The following USP32 variants were observed in gnomAD, a reference collection of about 807,000 sequenced individuals.
The protein encoded by USP32 is ubiquitin specific peptidase 32.
Under a neutral mutation model 204.8 loss-of-function variants are expected in USP32, and 59 were observed. The observed-to-expected ratio is 0.29, with a 90% CI of 0.23 to 0.36. The LOEUF (loss-of-function observed/expected upper bound fraction) is 0.36, where lower values mean the gene tolerates loss of function less well. USP32 is among the 10% of genes least tolerant of loss of function. The pLI, the probability that USP32 is intolerant of heterozygous loss-of-function variation, is 1.00. For synonymous variants in USP32, 517 were observed against 678.4 expected (o/e 0.76, Z 3.70); for missense variants, 1,160 against 1,946.4 (o/e 0.60, Z 7.60).
At chr17:60,193,825 C>T (rs1419302841) in intron 27 of USP32, among the ~76,000 whole-genome samples, 1 of 152,164 alleles carries the variant, frequency 6.6e-6, no homozygotes, top group South Asian at 2.1e-4. Context: ...CTGCATAACT[C>T]GTCCAGTGAA....
chr17:60,344,061 T>A (rs936194384), intron 2 of USP32, among the ~76,000 whole-genome samples: 9 of 149,760 alleles, frequency 6.0e-5, no homozygotes, highest in African/African-American at 2.2e-4. Context: ...TAAAAAGAAA[T>A]AGAAACTAGG....
At chr17:60,345,797 T>C (rs138193471) in intron 1 of USP32, among the ~76,000 whole-genome samples, 189 bp from the exon 2 acceptor site, 6 of 152,090 alleles carry the variant, frequency 3.9e-5, no homozygotes, top group South Asian at 2.1e-4. Context: ...GCCTGGACAA[T>C]GTGGCGAAAC....
intron 7 of USP32, among the ~76,000 whole-genome samples, chr17:60,267,064 C>T (rs745568829): frequency 4.0e-5 from 6 of 151,328 alleles, no homozygotes; most frequent in Admixed American, 1.3e-4. Context: ...GGTACGATTA[C>T]AGGCATGATG....
chr17:60,417,338 GTCTC>G (rs563840631), intron 1 of USP32, among the ~76,000 whole-genome samples: 1 of 151,992 alleles, frequency 6.6e-6, no homozygotes, highest in Non-Finnish European at 1.5e-5. Context: ...TTGGTGGGGA[GTCTC>G]TCTATGTTGC....
intron 3 of USP32, among the ~76,000 whole-genome samples, chr17:60,297,535 A>AC (rs2087463975): frequency 6.7e-6 from 1 of 148,386 alleles, no homozygotes; most frequent in Non-Finnish European, 1.5e-5. Flanking sequence ...TGCAACCTCC[A>AC]CCTCCTGGAT....
At chr17:60,366,309 C>G (rs1192656986) in intron 1 of USP32, among the ~76,000 whole-genome samples, 1 of 152,150 alleles carries the variant, frequency 6.6e-6, no homozygotes, top group African/African-American at 2.4e-5. Context: ...CAGACACATG[C>G]CACCAGGCCC....
At chr17:60,332,240 G>A (rs1404336530) in intron 2 of USP32, among the ~76,000 whole-genome samples, 5 of 151,632 alleles carry the variant, frequency 3.3e-5, no homozygotes, top group African/African-American at 1.2e-4. Flanking sequence ...GTGACAGAGC[G>A]AGATGCTGTC....
Position 60,211,403 on chromosome 17 carries a change from G to A in USP32, c.2291C>T (p.Ser764Leu). 1 of 1,612,742 alleles carries A rather than the reference G, an allele frequency of 6.2e-7. No individual in the cohort carries two copies. Among genetic ancestry groups the A allele is most frequent in the South Asian group, 1.1e-5 (1 of 90,762 alleles). The change falls in exon 20 of 34, where the codon TCA (serine) becomes TTA (leucine). Residue 764 changes from serine (S) to leucine (L), a missense_variant. Physicochemically the swap from Ser to Leu is moderately radical, Grantham distance 145 (BLOSUM62 -2). Around this residue, in one of 8 missense-constraint regions of USP32, gnomAD observed 132 missense variants for 432.8 expected, o/e 0.30. Coordinates refer to ENST00000300896, the MANE Select transcript of USP32 (RefSeq NM_032582.4). Reference protein sequence around the residue: ...NTQPLTQYFISGRHLYELNRT... With the variant: ...NTQPLTQYFILGRHLYELNRT... ...GTTGAGTTCATAAAGATGTCTCCCT[G>A]AGATAAAATACTGTGTCAGTGGCTG...
At chr17:60,218,228 CA>C (rs1317662523) in intron 16 of USP32, among the ~76,000 whole-genome samples, 2 of 151,744 alleles carry the variant, frequency 1.3e-5, no homozygotes, top group Non-Finnish European at 2.9e-5. Context: ...ATTAAAAATG[CA>C]AAAAATGAGC....
intron 1 of USP32, among the ~76,000 whole-genome samples, chr17:60,407,093 C>T (rs2089981666): frequency 1.3e-5 from 2 of 152,118 alleles, no homozygotes; most frequent in Non-Finnish European, 2.9e-5. Flanking sequence ...ATTTTCCTAG[C>T]TTTTTGCCTA....
chr17:60,376,480 C>A (rs549710515), intron 1 of USP32, among the ~76,000 whole-genome samples: 2 of 151,630 alleles, frequency 1.3e-5, no homozygotes. Flanking sequence ...AACAAAGCCA[C>A]GCAGTGAAAT....
At chr17:60,338,967 T>C (rs986488112) in intron 2 of USP32, among the ~76,000 whole-genome samples, 1 of 152,094 alleles carries the variant, frequency 6.6e-6, no homozygotes, top group Admixed American at 6.6e-5. Flanking sequence ...TGGAGAGCAG[T>C]GACGTGATCT....
intron 1 of USP32, among the ~76,000 whole-genome samples, chr17:60,417,248 CTG>C (rs1567902722): frequency 1.3e-5 from 2 of 151,724 alleles, no homozygotes; most frequent in South Asian, 2.1e-4. Flanking sequence ...TTTATTTTAA[CTG>C]TATTTTCTTC....
At chr17:60,381,477 A>T (rs1233903490) in intron 1 of USP32, among the ~76,000 whole-genome samples, 1 of 151,302 alleles carries the variant, frequency 6.6e-6, no homozygotes, top group Admixed American at 6.6e-5. Context: ...TGTCCCTTGG[A>T]CTATTTGCCT....
chr17:60,222,358 G>A, intron 15 of USP32, 51 bp downstream of exon 15: 1 of 1,570,254 alleles, frequency 6.4e-7, no homozygotes, highest in Non-Finnish European at 8.7e-7. Flanking sequence ...AGTAACAGAA[G>A]ACCCCCATCT....
At chr17:60,228,717 G>C (rs1274393215) in intron 12 of USP32, among the ~76,000 whole-genome samples, 3 of 152,118 alleles carry the variant, frequency 2.0e-5, no homozygotes, top group East Asian at 3.9e-4. Context: ...CCAGTAACTT[G>C]AGAGGCTGAG....
At chr17:60,190,217 T>G (rs1409843354) in intron 29 of USP32, among the ~76,000 whole-genome samples, 2 of 152,208 alleles carry the variant, frequency 1.3e-5, no homozygotes, top group Admixed American at 6.5e-5. Context: ...CATGTTATGA[T>G]GCAGCACAGA....
At chr17:60,285,976 A>G (rs997487374) in intron 5 of USP32, among the ~76,000 whole-genome samples, 6 of 152,064 alleles carry the variant, frequency 3.9e-5, no homozygotes, top group African/African-American at 1.4e-4. Context: ...GTCTCTAATA[A>G]AAATACAAAA....
intron 3 of USP32, among the ~76,000 whole-genome samples, chr17:60,300,701 C>G (rs1314920981): frequency 6.6e-6 from 1 of 152,068 alleles, no homozygotes; most frequent in Non-Finnish European, 1.5e-5. Flanking sequence ...AATTCACATC[C>G]CATAAAATTC....
Sources: gnomAD v4.1 joint callset for allele counts (sites outside exome capture counted in the v4.1 genomes callset) on GRCh38, gnomAD v4.1.1 for gene constraint, gnomAD v4.1.1 regional missense constraint, MANE v1.5 for transcripts, NCBI Gene and HGNC (gene_info 2026-07-23, HGNC 2026-07-21) for gene names.